ABCB4: variants seen among roughly 807,000 people sequenced by gnomAD.
The protein encoded by ABCB4 is ATP binding cassette subfamily B member 4, also known as phosphatidylcholine translocator ABCB4.
Under a neutral mutation model 145.7 loss-of-function variants are expected in ABCB4, and 76 were observed. The observed-to-expected ratio is 0.52, with a 90% CI of 0.43 to 0.63. The LOEUF (loss-of-function observed/expected upper bound fraction) is 0.63. Ranked by LOEUF, ABCB4 falls within the 30% of genes least tolerant of loss-of-function variation. ABCB4 has a pLI of 0.00. For synonymous variants in ABCB4, 517 were observed against 566.8 expected (o/e 0.91, Z 1.25); for missense variants, 1,234 against 1,553.1 (o/e 0.79, Z 3.45).
intron 3 of ABCB4, among the ~76,000 whole-genome samples, chr7:87,470,909 A>C (rs1286488800): frequency 3.3e-5 from 5 of 152,266 alleles, no homozygotes; most frequent in African/African-American, 1.2e-4. Flanking sequence ...CTATACAGAC[A>C]CATGCACAAG....
At chr7:87,402,832 C>G (rs1240402811) in intron 27 of ABCB4, among the ~76,000 whole-genome samples, 1 of 152,086 alleles carries the variant, frequency 6.6e-6, no homozygotes, top group Non-Finnish European at 1.5e-5. Flanking sequence ...AACCCTGTCT[C>G]TACTAAAAAT....
At chr7:87,369,414 T>G in the ABCB4 span, 5 of 1,613,214 alleles carry the variant, frequency 3.1e-6, no homozygotes, top group African/African-American at 6.7e-5. Flanking sequence ...TGTAGTGCTG[T>G]GTCGAGGCCG....
Position 87,412,015 on chromosome 7 carries a change from T to C in ABCB4, c.2802A>G (p.Ala934=). Residue 934 remains alanine (A), a synonymous_variant, in exon 23 of 28, where the codon GCA becomes GCG. Coordinates refer to ENST00000649586, the MANE Select transcript of ABCB4 (RefSeq NM_000443.4). ...TACTAAAAGTAATTCCATAGATGTGTGCCTTCTGCACAGAATTCCTGAAAA... is the reference window on the plus strand; with the variant it reads ...TACTAAAAGTAATTCCATAGATGTGCGCCTTCTGCACAGAATTCCTGAAAA... ...YGPYRNSVQK[A]HIYGITFSIS... is the part of the protein sequence containing the mutation. 3.7e-6 allele frequency: 6 copies of C among 1,613,826 alleles called. No homozygotes were observed. Among genetic ancestry groups the C allele is most frequent in the Non-Finnish European group, 5.1e-6 (6 of 1,179,732 alleles).
chr7:87,465,561 C>A (rs979319346), intron 3 of ABCB4, among the ~76,000 whole-genome samples: 3 of 152,128 alleles, frequency 2.0e-5, no homozygotes, highest in African/African-American at 7.2e-5. Context: ...AGTGGTTCTC[C>A]CAGCACAGCA....
intron 6 of ABCB4, chr7:87,452,526 C>T (rs1357874513): frequency 4.0e-6 from 1 of 252,052 alleles, no homozygotes; most frequent in Non-Finnish European, 7.7e-6. Context: ...ATATTACGAA[C>T]ACACAGAATG....
intron 16 of ABCB4, among the ~76,000 whole-genome samples, chr7:87,424,315 A>C (rs535448785): frequency 6.6e-6 from 1 of 152,356 alleles, no homozygotes; most frequent in Middle Eastern, 3.4e-3. Flanking sequence ...TGGCCTCAGC[A>C]GACTGCGAGG....
intron 23 of ABCB4, 53 bp from the exon 24 acceptor site, chr7:87,409,445 T>A: frequency 6.3e-7 from 1 of 1,583,186 alleles, no homozygotes; most frequent in Non-Finnish European, 8.7e-7. Context: ...AACTCCATGA[T>A]GTTTGAAAGT....
At chr7:87,471,637 T>C (rs1430705869) in intron 3 of ABCB4, among the ~76,000 whole-genome samples, 2 of 152,242 alleles carry the variant, frequency 1.3e-5, no homozygotes, top group Non-Finnish European at 2.9e-5. Flanking sequence ...GACATGACAC[T>C]TAATTCTAAC....
At chr7:87,403,075 C>A (rs573285182) in intron 27 of ABCB4, 60 bp downstream of exon 27, 1 of 1,577,162 alleles carries the variant, frequency 6.3e-7, no homozygotes, top group East Asian at 2.2e-5. Context: ...TCATGGTTGA[C>A]AGCAAAATCC....
At chr7:87,405,979 A>G (rs1048543163) in intron 26 of ABCB4, 2 of 420,406 alleles carry the variant, frequency 4.8e-6, no homozygotes, top group African/African-American at 4.0e-5. Flanking sequence ...ATCTCAAAAT[A>G]AAAACTATAA....
At position 87,452,942 on chromosome 7, in the gene ABCB4, ACT is replaced by A; in HGVS notation, c.536_536+1del. ...AAAGTGTGACATTAACAATGTACCT[ACT>A]CTGTTAGCCGCGTATTGAGTTCAGT... On this transcript the variant is annotated splice_donor_variant and coding_sequence_variant, in exon 6 of 28. Coordinates refer to ENST00000649586, the MANE Select transcript of ABCB4 (RefSeq NM_000443.4). LOFTEE classifies it high-confidence loss of function. 1 of 1,613,292 alleles carries A rather than the reference ACT, an allele frequency of 6.2e-7. No individual in the cohort carries two copies. The highest frequency in any genetic ancestry group is 8.5e-7 in the Non-Finnish European group (1 of 1,179,374).
At chr7:87,445,320 A>T (rs1811272063) in intron 9 of ABCB4, among the ~76,000 whole-genome samples, 1 of 152,326 alleles carries the variant, frequency 6.6e-6, no homozygotes, top group South Asian at 2.1e-4. Context: ...ATGGAATTAC[A>T]TAGACGGTTC....
At position 87,435,309 on chromosome 7, in the gene ABCB4, C is replaced by G. The variant is rs1810535552; in HGVS notation, c.1732-3744G>C. On this transcript the variant is annotated intron_variant, in intron 14 of 27. Coordinates refer to ENST00000649586, the MANE Select transcript of ABCB4 (RefSeq NM_000443.4). ...TGCAGATTATAAACTGTTTTCATAG[C>G]AACTATGGCAGATTAATATGGCCAC... is the stretch of plus-strand genomic sequence containing the variant. Among the ~76,000 whole-genome samples the G allele has an allele frequency of 5.3e-5, 8 of 152,316 alleles. No individual in the cohort carries two copies. In the South Asian group the frequency reaches 1.5e-3, roughly 28 times the overall value.
At chr7:87,422,086 A>T (rs1394995450) in intron 18 of ABCB4, 35 bp downstream of exon 18, 1 of 1,408,238 alleles carries the variant, frequency 7.1e-7, no homozygotes, top group South Asian at 1.2e-5. Flanking sequence ...ATTAAATTAT[A>T]AACTTGATGA....
At chr7:87,400,382 G>A (rs45563033), downstream of ABCB4, among the ~76,000 whole-genome samples, 1,513 of 152,192 alleles carry the variant, frequency 9.9e-3, 24 homozygotes, top group African/African-American at 0.034. Flanking sequence ...AAACATGTAC[G>A]CTCTGAATTT....
chr7:87,475,568 A>T, intron 1 of ABCB4, 66 bp downstream of exon 1: 1 of 1,208,836 alleles, frequency 8.3e-7, no homozygotes, highest in Non-Finnish European at 1.2e-6. Flanking sequence ...AGGTCCGGCC[A>T]CTCCCGCCCC....
the ABCB4 span, among the ~76,000 whole-genome samples, chr7:87,377,084 A>T: frequency 6.6e-6 from 1 of 152,162 alleles, no homozygotes; most frequent in African/African-American, 2.4e-5. Context: ...TTCTGTAAAC[A>T]TTCATGAATA....
At chr7:87,465,687 C>T (rs917010716) in intron 3 of ABCB4, among the ~76,000 whole-genome samples, 1 of 152,180 alleles carries the variant, frequency 6.6e-6, no homozygotes, top group African/African-American at 2.4e-5. Context: ...GGCCGGGCAG[C>T]CCTCTGAGAC....
At chr7:87,387,121 A>G in the ABCB4 span, among the ~76,000 whole-genome samples, 2 of 151,980 alleles carry the variant, frequency 1.3e-5, no homozygotes, top group South Asian at 2.1e-4. Context: ...CCCTGGGATC[A>G]TCACAGCCTC....
Sources: allele counts gnomAD v4.1 joint callset (sites outside exome capture counted in the v4.1 genomes callset), GRCh38; gene constraint gnomAD v4.1.1; transcripts MANE v1.5; gene names NCBI Gene and HGNC (gene_info 2026-07-23, HGNC 2026-07-21).